CIDEA: variants seen among roughly 807,000 people sequenced by gnomAD.
The protein encoded by CIDEA is lipid transferase CIDEA.
Under a neutral mutation model 18.2 loss-of-function variants are expected in CIDEA, and 10 were observed. The ratio of observed to expected loss-of-function variants is 0.55; its 90% CI spans 0.34 to 0.93. The LOEUF is 0.93. Among genes scored for constraint, CIDEA ranks in the 40% least tolerant of loss-of-function variants. CIDEA has a pLI of 0.02. For synonymous variants in CIDEA, 128 were observed against 124.8 expected, an observed-to-expected ratio of 1.03 and a Z score of -0.17; for missense variants, 309 against 293.1, an observed-to-expected ratio of 1.05 and a Z score of -0.40.
At chr18:12,256,401 A>G (rs1235827156) in intron 1 of CIDEA, among the ~76,000 whole-genome samples, 3 of 152,238 alleles carry the variant, frequency 2.0e-5, no homozygotes, top group Non-Finnish European at 4.4e-5. Flanking sequence ...AGGTACTTGT[A>G]GTCAGTGGTG....
chr18:12,255,065 C>G (rs1416954317), intron 1 of CIDEA: 2 of 570,416 alleles, frequency 3.5e-6, no homozygotes, highest in Non-Finnish European at 5.3e-6. Context: ...GGAGTCTTCC[C>G]TGCGCTTCGC....
chr18:12,275,996 A>T (rs4074432), intron 4 of CIDEA, among the ~76,000 whole-genome samples: 128,614 of 141,792 alleles, frequency 0.91, 58,844 homozygotes, highest in East Asian at 1. Flanking sequence ...TTCTTTTCTT[A>T]TTTTTTTTCT....
At chr18:12,267,201 C>G (rs1568103859) in intron 3 of CIDEA, among the ~76,000 whole-genome samples, 2 of 152,246 alleles carry the variant, frequency 1.3e-5, no homozygotes, top group Non-Finnish European at 2.9e-5. Context: ...ACCTGAGATT[C>G]CAACAACACC....
At chr18:12,255,001 A>C in intron 1 of CIDEA, 1 of 1,153,014 alleles carries the variant, frequency 8.7e-7, no homozygotes. Context: ...TCCGGGTCCA[A>C]GGGCGGAGAC....
Position 12,277,341 on chromosome 18 carries a change from T to A in CIDEA, c.*71T>A. The stretch of plus-strand genomic sequence containing the variant: ...TTGGCTCAATGACGAATGTTGAAGA[T>A]GCTTTTATGTTCTGAGCCACATGCA... On this transcript the variant is annotated 3_prime_UTR_variant, in exon 5 of 5. Transcript: ENST00000320477. 1 of 1,550,600 alleles carries A rather than the reference T, an allele frequency of 6.4e-7. No individual in the cohort carries two copies. Among genetic ancestry groups the A allele is most frequent in the Non-Finnish European group, 8.8e-7 (1 of 1,132,404 alleles).
chr18:12,261,226 T>C (rs1309518196), intron 1 of CIDEA, among the ~76,000 whole-genome samples: 1 of 152,054 alleles, frequency 6.6e-6, no homozygotes, highest in Non-Finnish European at 1.5e-5. Context: ...CTACTAAATA[T>C]ACAAAAAATT....
chr18:12,274,365 C>A, intron 4 of CIDEA, 91 bp downstream of exon 4: 2 of 1,291,052 alleles, frequency 1.5e-6, no homozygotes, highest in South Asian at 1.3e-5. Flanking sequence ...TCTGGGCTCC[C>A]AGGCCGGCTA....
intron 1 of CIDEA, chr18:12,254,928 G>A (rs1421632458): frequency 1.6e-6 from 2 of 1,237,868 alleles, no homozygotes; most frequent in African/African-American, 1.6e-5. Flanking sequence ...TCCGAGGGGA[G>A]GCCCCAACCG....
In CIDEA at chr18:12,274,183, TTCA is replaced by T; in HGVS notation, c.424_426del (p.Ile142del). The T allele has an allele frequency of 6.2e-7, 1 of 1,614,212 alleles. No homozygotes were observed. The highest frequency in any genetic ancestry group is 8.5e-7 in the Non-Finnish European group (1 of 1,180,036). On this transcript the variant is annotated inframe_deletion, in exon 4 of 5. Coordinates refer to ENST00000320477, the MANE Select transcript of CIDEA (RefSeq NM_001279.4). The stretch of plus-strand genomic sequence containing the variant: ...CTTGTACAGGCTGAACCCCAAGGAC[TTCA>T]TCGGCTGCCTTAACGTGAAGGCCAC...
At chr18:12,254,823 G>T in intron 1 of CIDEA, 1 of 1,340,266 alleles carries the variant, frequency 7.5e-7, no homozygotes, top group East Asian at 4.8e-5. Flanking sequence ...CGCGATGCGA[G>T]GGGACCGGGC....
At chr18:12,258,311 G>A (rs572416850) in intron 1 of CIDEA, among the ~76,000 whole-genome samples, 3 of 152,238 alleles carry the variant, frequency 2.0e-5, no homozygotes, top group African/African-American at 7.2e-5. Context: ...GGTCACCGGA[G>A]CACAGGTGCT....
intron 3 of CIDEA, among the ~76,000 whole-genome samples, chr18:12,271,568 C>A (rs1029365632): frequency 6.6e-6 from 1 of 152,118 alleles, no homozygotes; most frequent in African/African-American, 2.4e-5. Context: ...ATGGGAAAGG[C>A]GGGTTTGTTT....
chr18:12,264,550 C>CT (rs11330077), intron 3 of CIDEA, 97 bp downstream of exon 3: 584 of 531,858 alleles, frequency 1.1e-3, no homozygotes, highest in African/African-American at 5.3e-3. Context: ...CACTTTCTTT[C>CT]TTTTTTTTTT....
intron 2 of CIDEA, 107 bp from the exon 3 acceptor site, chr18:12,264,200 C>A: frequency 1.9e-6 from 2 of 1,068,706 alleles, no homozygotes; most frequent in Non-Finnish European, 2.6e-6. Flanking sequence ...AAAATTTTAT[C>A]AGAATCAGCC....
At chr18:12,270,894 C>CCT (rs1555662488) in intron 3 of CIDEA, among the ~76,000 whole-genome samples, 15 of 60,000 alleles carry the variant, frequency 2.5e-4, no homozygotes, top group African/African-American at 1.0e-3. Context: ...TTTTTCTTTT[C>CCT]TTTTTTTTTT....
intron 4 of CIDEA, 87 bp from the exon 5 acceptor site, chr18:12,277,036 G>C: frequency 6.8e-7 from 1 of 1,476,954 alleles, no homozygotes; most frequent in South Asian, 1.2e-5. Flanking sequence ...GTGCCTTTTG[G>C]TGGGGGGAGT....
At chr18:12,267,715 G>A (rs1015810719) in intron 3 of CIDEA, among the ~76,000 whole-genome samples, 3 of 152,102 alleles carry the variant, frequency 2.0e-5, no homozygotes, top group Non-Finnish European at 4.4e-5. Flanking sequence ...GGCTGGTCTT[G>A]AACTTCTGAC....
At position 12,277,216 on chromosome 18, in the gene CIDEA, G is replaced by T; in HGVS notation, c.606G>T (p.Lys202Asn). The T allele has an allele frequency of 3.1e-6, 5 of 1,614,210 alleles. No homozygotes were observed. Among genetic ancestry groups the T allele is most frequent in the Non-Finnish European group, 4.2e-6 (5 of 1,180,038 alleles). Residue 202 changes from lysine to asparagine, a missense_variant, in exon 5 of 5, where the codon AAG (lysine) becomes AAT (asparagine). By Grantham distance (94) the Lys-to-Asn change is moderately conservative. Coordinates refer to ENST00000320477, the MANE Select transcript of CIDEA (RefSeq NM_001279.4). Reference protein sequence around the residue: ...GTYMLRVLDDKEERPSLRSQA... With the variant: ...GTYMLRVLDDNEERPSLRSQA... Reference sequence around the variant, plus strand: ...ACATGCTCCGGGTGCTGGATGACAAGGAAGAGCGGCCATCCCTCCGGTCAC... The same window carrying T: ...ACATGCTCCGGGTGCTGGATGACAATGAAGAGCGGCCATCCCTCCGGTCAC...
intron 1 of CIDEA, among the ~76,000 whole-genome samples, chr18:12,255,594 A>G (rs1326349502): frequency 6.6e-6 from 1 of 152,188 alleles, no homozygotes; most frequent in African/African-American, 2.4e-5. Flanking sequence ...TCCACACCAC[A>G]GTCCCACTTC....
Sources: gnomAD v4.1 joint callset for allele counts (sites outside exome capture counted in the v4.1 genomes callset) on GRCh38, gnomAD v4.1.1 for gene constraint, MANE v1.5 for transcripts, NCBI Gene and HGNC (gene_info 2026-07-23, HGNC 2026-07-21) for gene names.